CPEB1: variants seen among roughly 807,000 people sequenced by gnomAD.
The protein encoded by CPEB1 is cytoplasmic polyadenylation element binding protein 1, also known as cytoplasmic polyadenylation element-binding protein 1.
In CPEB1, 7 loss-of-function variants were observed where a neutral mutation model predicts 65.8. The ratio of observed to expected loss-of-function variants is 0.11; its 90% confidence interval spans 0.06 to 0.20. The LOEUF is 0.20. Among genes scored for constraint, CPEB1 ranks in the 10% least tolerant of loss-of-function variants. The pLI is 1.00. For missense variants in CPEB1, 551 were observed against 712.2 expected (o/e 0.77, Z 2.58); for synonymous variants, 262 against 260.0 (o/e 1.01, Z -0.08).
intron 1 of CPEB1, among the ~76,000 whole-genome samples, chr15:82,636,836 A>G (rs767666541): frequency 1.3e-5 from 2 of 152,200 alleles, no homozygotes; most frequent in East Asian, 3.8e-4. Context: ...ACCTTCATAA[A>G]TGGTAGTGAC....
intron 1 of CPEB1, chr15:82,640,885 A>G (rs535843777): frequency 2.0e-5 from 3 of 151,942 alleles, no homozygotes; most frequent in Admixed American, 2.0e-4. Context: ...CCAAGACAAG[A>G]CAAGATTGAT....
chr15:82,566,556 G>A (rs560246186), intron 4 of CPEB1, among the ~76,000 whole-genome samples: 2 of 152,204 alleles, frequency 1.3e-5, no homozygotes, highest in South Asian at 2.1e-4. Context: ...ACTTCCCCCC[G>A]ACTGTGGATC....
intron 3 of CPEB1, among the ~76,000 whole-genome samples, chr15:82,600,783 A>G (rs1261216094): frequency 6.6e-6 from 1 of 152,150 alleles, no homozygotes; most frequent in Admixed American, 6.6e-5. Context: ...AAGACTCAGT[A>G]AAGATGATAG....
chr15:82,638,388 G>A lies in CPEB1; in HGVS notation c.-98+8749C>T, dbSNP rs192419312. On this transcript the variant is annotated intron_variant, in intron 1 of 12. Transcript: ENST00000684509. ...AAATATAACAAACGTTGACACACTA[G>A]TTAATAGTAAATAGTACCACCAATC... Among the ~76,000 whole-genome samples, 144 of 152,278 alleles carry A rather than the reference G, an allele frequency of 9.5e-4. 1 individual carries two copies. In the South Asian group the frequency reaches 0.011, roughly 11 times the overall value.
intron 3 of CPEB1, among the ~76,000 whole-genome samples, chr15:82,613,396 TG>T (rs1189625051): frequency 1.3e-5 from 2 of 152,216 alleles, no homozygotes; most frequent in South Asian, 4.1e-4. Context: ...TGTTTTGTTT[TG>T]TTTTTTTGGA....
At chr15:82,635,195 C>T (rs1418363410) in intron 1 of CPEB1, among the ~76,000 whole-genome samples, 1 of 152,146 alleles carries the variant, frequency 6.6e-6, no homozygotes, top group Non-Finnish European at 1.5e-5. Context: ...AACAAAATTT[C>T]TATAGCACGG....
At chr15:82,633,125 G>A (rs1450397464) in intron 1 of CPEB1, 5 of 152,174 alleles carry the variant, frequency 3.3e-5, no homozygotes, top group Admixed American at 6.5e-5. Context: ...TACTGTCAAC[G>A]GGAAAGAAGG....
chr15:82,624,268 A>G (rs760337716), intron 3 of CPEB1, among the ~76,000 whole-genome samples: 2 of 152,192 alleles, frequency 1.3e-5, no homozygotes, highest in Non-Finnish European at 2.9e-5. Flanking sequence ...GGGGCTGGGT[A>G]TACGTGAAAG....
At chr15:82,631,978 T>TTC (rs962463802) in intron 1 of CPEB1, among the ~76,000 whole-genome samples, 2 of 113,966 alleles carry the variant, frequency 1.8e-5, no homozygotes, top group Admixed American at 1.9e-4. Context: ...ATTTATTTTT[T>TTC]TCTCTTTTTT....
At chr15:82,569,985 C>T (rs969216804) in intron 4 of CPEB1, among the ~76,000 whole-genome samples, 1 of 152,180 alleles carries the variant, frequency 6.6e-6, no homozygotes, top group Non-Finnish European at 1.5e-5. Context: ...ACCATACTTC[C>T]TTGCCCAGGG....
intron 1 of CPEB1, among the ~76,000 whole-genome samples, chr15:82,632,148 A>G (rs1400145492): frequency 6.6e-6 from 1 of 151,288 alleles, no homozygotes; most frequent in Non-Finnish European, 1.5e-5. Flanking sequence ...CGCCCGGCTC[A>G]TTTTTTTGTA....
intron 5 of CPEB1, among the ~76,000 whole-genome samples, chr15:82,557,248 C>T (rs1169038926): frequency 6.6e-6 from 1 of 152,188 alleles, no homozygotes; most frequent in African/African-American, 2.4e-5. Context: ...ATAGATTCAT[C>T]ATGGCATGAA....
intron 4 of CPEB1, among the ~76,000 whole-genome samples, chr15:82,560,886 G>A (rs1351643442): frequency 6.6e-6 from 1 of 152,258 alleles, no homozygotes. Context: ...GGACACTGAA[G>A]CCATACAGAG....
intron 3 of CPEB1, among the ~76,000 whole-genome samples, chr15:82,602,598 C>A (rs1342941197): frequency 6.6e-6 from 1 of 152,156 alleles, no homozygotes; most frequent in South Asian, 2.1e-4. Flanking sequence ...CTAATCCCAG[C>A]ACTTTGGGAG....
chr15:82,579,769 G>A (rs569463162), intron 3 of CPEB1, among the ~76,000 whole-genome samples: 5 of 150,820 alleles, frequency 3.3e-5, no homozygotes, highest in East Asian at 2.0e-4. Flanking sequence ...AAAATTAGCC[G>A]GGCGCAGTGG....
chr15:82,573,814 A>G (rs1048815897), intron 3 of CPEB1, among the ~76,000 whole-genome samples: 1 of 152,162 alleles, frequency 6.6e-6, no homozygotes, highest in African/African-American at 2.4e-5. Context: ...ATATATATGT[A>G]TGCAAAAAAA....
chr15:82,646,901 G>T (rs186446389), intron 1 of CPEB1: 1 of 152,552 alleles, frequency 6.6e-6, no homozygotes, highest in Non-Finnish European at 1.5e-5. Context: ...CATCACGGGG[G>T]GCGACTCGTC....
At chr15:82,588,195 G>A (rs1020478383) in intron 3 of CPEB1, among the ~76,000 whole-genome samples, 1 of 151,896 alleles carries the variant, frequency 6.6e-6, no homozygotes, top group Non-Finnish European at 1.5e-5. Context: ...AGATCCACCT[G>A]CCTTGGCCTC....
intron 3 of CPEB1, among the ~76,000 whole-genome samples, chr15:82,581,667 CA>C (rs1252401893): frequency 2.0e-5 from 3 of 152,104 alleles, no homozygotes; most frequent in African/African-American, 4.8e-5. Flanking sequence ...TTGCGGTGTA[CA>C]TTTTTTTTAA....
Sources: gnomAD v4.1 joint callset for allele counts (sites outside exome capture counted in the v4.1 genomes callset) on GRCh38, gnomAD v4.1.1 for gene constraint, MANE v1.5 for transcripts, NCBI Gene and HGNC (gene_info 2026-07-23, HGNC 2026-07-21) for gene names.